Variants in GPC5 observed in about 807,000 individuals in gnomAD.
The protein encoded by GPC5 is glypican 5, also known as glypican-5.
GPC5 carries 47 observed loss-of-function variants against 53.9 expected under a neutral mutation model. The ratio of observed to expected loss-of-function variants is 0.87; its 90% confidence interval spans 0.69 to 1.11. The LOEUF (loss-of-function observed/expected upper bound fraction) is 1.11. Ranked by LOEUF, GPC5 falls within the 50% of genes most tolerant of loss-of-function variation. The probability of loss-of-function intolerance (pLI) is 0.00; values close to 1 mark genes in which losing one functional copy is unlikely to be tolerated. For missense variants in GPC5, 748 were observed against 713.1 expected (o/e 1.05, Z -0.56); for synonymous variants, 286 against 263.3 (o/e 1.09, Z -0.84).
intron 2 of GPC5, among the ~76,000 whole-genome samples, chr13:91,691,067 A>G (rs1594435951): frequency 6.6e-6 from 1 of 152,178 alleles, no homozygotes; most frequent in African/African-American, 2.4e-5. Context: ...TGGCAGTTTT[A>G]TTGTAGTTCA....
At chr13:91,546,883 G>C (rs1339847425) in intron 2 of GPC5, among the ~76,000 whole-genome samples, 1 of 152,084 alleles carries the variant, frequency 6.6e-6, no homozygotes, top group Non-Finnish European at 1.5e-5. Flanking sequence ...TGGTTAGGTA[G>C]ACCAATTTTC....
intron 6 of GPC5, among the ~76,000 whole-genome samples, chr13:91,976,932 G>T (rs1237014099): frequency 6.6e-6 from 1 of 151,884 alleles, no homozygotes; most frequent in Non-Finnish European, 1.5e-5. Flanking sequence ...CCAGATGCTC[G>T]GGAAGCTGAG....
chr13:92,857,171 A>G (rs537730266), intron 7 of GPC5, among the ~76,000 whole-genome samples: 1 of 152,260 alleles, frequency 6.6e-6, no homozygotes, highest in Admixed American at 6.5e-5. Context: ...CAGCACACAT[A>G]GAAAGAACTG....
At chr13:91,513,007 A>T (rs552378584) in intron 2 of GPC5, among the ~76,000 whole-genome samples, 1 of 152,184 alleles carries the variant, frequency 6.6e-6, no homozygotes, top group Non-Finnish European at 1.5e-5. Context: ...TAAAAAAATC[A>T]TTGTTATTAT....
intron 7 of GPC5, among the ~76,000 whole-genome samples, chr13:92,588,930 A>G (rs1198907977): frequency 6.6e-6 from 1 of 152,158 alleles, no homozygotes; most frequent in Non-Finnish European, 1.5e-5. Context: ...ATCCTAACCA[A>G]GGTGTATAGA....
chr13:92,632,485 T>TATATATATACAC lies in GPC5; in HGVS notation c.1562-233796_1562-233795insTATATATACACA, dbSNP rs138355646. On this transcript the variant is annotated intron_variant, in intron 7 of 7. Coordinates refer to ENST00000377067, the MANE Select transcript of GPC5 (RefSeq NM_004466.6). ...CCACATATATATATATATATATATA[T>TATATATATACAC]ACACATATATATATGCACACACACA... Among the ~76,000 whole-genome samples the TATATATATACAC allele has an allele frequency of 2.0e-4, 27 of 137,666 alleles. 1 individual carries two copies. The highest frequency in any genetic ancestry group is 4.4e-4 in the Admixed American group (6 of 13,594). 90.3% of individuals were successfully genotyped at this position (137,666 alleles called of 152,430 possible).
chr13:91,802,946 G>T (rs1183776733), intron 5 of GPC5, among the ~76,000 whole-genome samples: 3 of 151,770 alleles, frequency 2.0e-5, no homozygotes. Flanking sequence ...AGGATTAAGG[G>T]GACTAATTAA....
chr13:92,783,957 C>T (rs892960589), intron 7 of GPC5, among the ~76,000 whole-genome samples: 1 of 152,072 alleles, frequency 6.6e-6, no homozygotes, highest in Non-Finnish European at 1.5e-5. Context: ...ATGATCATCC[C>T]CCTTCATATC....
At chr13:91,627,516 C>G (rs2034038315) in intron 2 of GPC5, among the ~76,000 whole-genome samples, 1 of 151,954 alleles carries the variant, frequency 6.6e-6, no homozygotes, top group African/African-American at 2.4e-5. Flanking sequence ...TTGTCACTCT[C>G]CAGACATATC....
intron 7 of GPC5, chr13:92,701,392 G>A (rs1224906987): frequency 6.6e-6 from 1 of 151,984 alleles, no homozygotes; most frequent in Non-Finnish European, 1.5e-5. Context: ...ACTCACCCAC[G>A]TTGTAAAATA....
chr13:92,202,643 C>A (rs2042303620), intron 7 of GPC5, among the ~76,000 whole-genome samples: 1 of 151,974 alleles, frequency 6.6e-6, no homozygotes, highest in Non-Finnish European at 1.5e-5. Flanking sequence ...GTTTTAGTGC[C>A]CATTTATTGA....
intron 7 of GPC5, among the ~76,000 whole-genome samples, chr13:92,807,329 C>T (rs1178078301): frequency 6.6e-6 from 1 of 152,010 alleles, no homozygotes; most frequent in African/African-American, 2.4e-5. Flanking sequence ...AATCAAATTA[C>T]ATATTATGGT....
At chr13:92,064,952 T>C (rs1253778253) in intron 6 of GPC5, among the ~76,000 whole-genome samples, 2 of 151,926 alleles carry the variant, frequency 1.3e-5, no homozygotes, top group African/African-American at 4.8e-5. Flanking sequence ...ACAATTAAAG[T>C]AATTCCTATG....
At chr13:92,048,625 A>G (rs972346818) in intron 6 of GPC5, among the ~76,000 whole-genome samples, 1 of 152,218 alleles carries the variant, frequency 6.6e-6, no homozygotes, top group Non-Finnish European at 1.5e-5. Context: ...TGTTCAATAC[A>G]CTGACTTCTA....
At chr13:92,472,233 A>G (rs1407965309) in intron 7 of GPC5, among the ~76,000 whole-genome samples, 2 of 152,064 alleles carry the variant, frequency 1.3e-5, no homozygotes, top group Non-Finnish European at 2.9e-5. Flanking sequence ...GAATAATACC[A>G]TCTTAATCTT....
At chr13:92,620,339 A>T (rs926189575) in intron 7 of GPC5, among the ~76,000 whole-genome samples, 13 of 152,178 alleles carry the variant, frequency 8.5e-5, no homozygotes, top group African/African-American at 2.9e-4. Flanking sequence ...TCATCATTTG[A>T]TAAGGGGAGT....
At chr13:92,580,146 C>CAAATCA (rs1376062325) in intron 7 of GPC5, among the ~76,000 whole-genome samples, 1 of 152,044 alleles carries the variant, frequency 6.6e-6, no homozygotes, top group Non-Finnish European at 1.5e-5. Context: ...ATGCTGAGGG[C>CAAATCA]AAATCAAAGA....
At chr13:92,297,705 G>C (rs559788746) in intron 7 of GPC5, among the ~76,000 whole-genome samples, 2 of 152,006 alleles carry the variant, frequency 1.3e-5, no homozygotes, top group African/African-American at 4.8e-5. Flanking sequence ...CAGGCCTCTC[G>C]GCTCTACCAA....
intron 6 of GPC5, among the ~76,000 whole-genome samples, chr13:91,974,484 CAGAA>C (rs1197914964): frequency 6.6e-6 from 1 of 151,656 alleles, no homozygotes; most frequent in Non-Finnish European, 1.5e-5. Context: ...AACAGACAAA[CAGAA>C]AGCCAAATCA....
Sources: allele counts gnomAD v4.1 joint callset (sites outside exome capture counted in the v4.1 genomes callset), GRCh38; gene constraint gnomAD v4.1.1; transcripts MANE v1.5; gene names NCBI Gene and HGNC (gene_info 2026-07-23, HGNC 2026-07-21).